Variants in MCPH1 observed in about 807,000 individuals in gnomAD.
MCPH1 encodes the protein microcephalin 1, also known as microcephalin.
A neutral mutation model predicts 84.5 loss-of-function variants in MCPH1; 104 were observed. The ratio of observed to expected loss-of-function variants is 1.23; its 90% CI spans 1.05 to 1.45. The LOEUF (loss-of-function observed/expected upper bound fraction) is 1.45, where lower values mean the gene tolerates loss of function less well. Ranked by LOEUF, MCPH1 falls within the 40% of genes most tolerant of loss-of-function variation. MCPH1 has a pLI of 0.00. For synonymous variants in MCPH1, 514 were observed against 366.8 expected, an observed-to-expected ratio of 1.40 and a Z score of -4.58; for missense variants, 1,498 against 1,005.7, an observed-to-expected ratio of 1.49 and a Z score of -6.62.
rs535641007 is a variant in MCPH1, at chr8:6,635,585, C to A, written c.2453-7409C>A. On this transcript the variant is annotated intron_variant, in intron 13 of 13. Transcript: ENST00000344683. ...ACACCAGCCTGGGAAACAGCGAGGC[C>A]CTGTCTCAAAAAAACCCAAAAAACT... Among the ~76,000 whole-genome samples the A allele has an allele frequency of 7.9e-5, 12 of 151,972 alleles. No individual in the cohort carries two copies. The South Asian group carries it at 2.5e-3, about 32-fold the overall frequency.
chr8:6,415,105 G>C (rs964235081), intron 3 of MCPH1, among the ~76,000 whole-genome samples: 1 of 151,942 alleles, frequency 6.6e-6, no homozygotes, highest in Non-Finnish European at 1.5e-5. Flanking sequence ...GAGCCTGCAG[G>C]TCCTGAAGCT....
intron 12 of MCPH1, among the ~76,000 whole-genome samples, chr8:6,613,656 G>A (rs1460881508): frequency 6.6e-6 from 1 of 152,098 alleles, no homozygotes; most frequent in Non-Finnish European, 1.5e-5. Flanking sequence ...GGCACCTGTG[G>A]ATGTCCTGAG....
At chr8:6,476,229 G>C (rs766354906) in intron 9 of MCPH1, among the ~76,000 whole-genome samples, 3 of 152,064 alleles carry the variant, frequency 2.0e-5, no homozygotes, top group Non-Finnish European at 4.4e-5. Flanking sequence ...AGGAGTTGGA[G>C]ACCAGCCTGG....
At chr8:6,554,310 A>G (rs568691972) in intron 12 of MCPH1, among the ~76,000 whole-genome samples, 30 of 119,914 alleles carry the variant, frequency 2.5e-4, no homozygotes, top group African/African-American at 1.2e-3. Flanking sequence ...AAAAGAGAGA[A>G]AAAAAAAAAT....
chr8:6,440,223 A>T (rs900528615), intron 6 of MCPH1, among the ~76,000 whole-genome samples: 1 of 151,920 alleles, frequency 6.6e-6, no homozygotes, highest in South Asian at 2.1e-4. Context: ...TTTTTTAACC[A>T]TATGGTTTGG....
At chr8:6,622,393 G>A (rs958976462) in intron 13 of MCPH1, among the ~76,000 whole-genome samples, 2 of 152,228 alleles carry the variant, frequency 1.3e-5, no homozygotes, top group East Asian at 3.9e-4. Context: ...AAGGAAGAGT[G>A]TGAAGCAAGG....
rs189371466 is a variant in MCPH1, at chr8:6,457,961, T to C, written c.1935+2709T>C. On this transcript the variant is annotated intron_variant, in intron 9 of 13. Transcript: ENST00000344683. The stretch of plus-strand genomic sequence containing the variant: ...TGGCTGCCTGGCCCCAAGCCAGACA[T>C]GCTGGTGTCATTAATATGGGGTGCA... Among the ~76,000 whole-genome samples the C allele has an allele frequency of 1.2e-3, 185 of 152,256 alleles. 3 individuals are homozygous for C. In the East Asian group the frequency reaches 0.03, roughly 25 times the overall value.
At chr8:6,609,874 G>A (rs1830119818) in intron 12 of MCPH1, among the ~76,000 whole-genome samples, 1 of 150,706 alleles carries the variant, frequency 6.6e-6, no homozygotes, top group Non-Finnish European at 1.5e-5. Flanking sequence ...GGGGGGTGCA[G>A]GTCATGGTTG....
intron 12 of MCPH1, chr8:6,532,631 C>A (rs1271673732): frequency 1.2e-5 from 8 of 666,910 alleles, no homozygotes; most frequent in Admixed American, 3.9e-5. Context: ...CTTTTGGAAT[C>A]TTACTATTTT....
intron 3 of MCPH1, among the ~76,000 whole-genome samples, chr8:6,417,688 C>G (rs538029246): frequency 5.8e-4 from 88 of 151,990 alleles, no homozygotes; most frequent in Non-Finnish European, 8.8e-4. Context: ...GATTTCTCAC[C>G]TTTGGTTTTC....
intron 9 of MCPH1, among the ~76,000 whole-genome samples, chr8:6,461,148 G>A (rs1192694121): frequency 6.6e-6 from 1 of 151,298 alleles, no homozygotes; most frequent in Non-Finnish European, 1.5e-5. Context: ...CTTAAAGAGT[G>A]AAAAAAACCA....
At chr8:6,511,259 C>T (rs1381357338) in intron 12 of MCPH1, among the ~76,000 whole-genome samples, 2 of 150,696 alleles carry the variant, frequency 1.3e-5, no homozygotes, top group African/African-American at 2.4e-5. Flanking sequence ...TGGCCACGTT[C>T]TTGAAGTTGC....
intron 12 of MCPH1, among the ~76,000 whole-genome samples, chr8:6,596,751 C>T (rs879748142): frequency 1.3e-5 from 2 of 152,152 alleles, no homozygotes; most frequent in African/African-American, 4.8e-5. Context: ...GAACTGAAAA[C>T]CCCAGCCAGA....
intron 12 of MCPH1, among the ~76,000 whole-genome samples, chr8:6,520,187 T>G (rs2129569033): frequency 6.6e-6 from 1 of 152,276 alleles, no homozygotes; most frequent in South Asian, 2.1e-4. Context: ...AGATTAATAC[T>G]TACTTTTTGG....
chr8:6,514,786 C>A (rs765308460), intron 12 of MCPH1: 2 of 1,613,176 alleles, frequency 1.2e-6, no homozygotes, highest in Admixed American at 1.7e-5. Flanking sequence ...GGCCTGCAAA[C>A]AGGAATGCAG....
intron 1 of MCPH1, among the ~76,000 whole-genome samples, chr8:6,407,527 A>G (rs1183320294): frequency 4.6e-5 from 7 of 152,098 alleles, no homozygotes; most frequent in African/African-American, 1.7e-4. Flanking sequence ...AATAGCGGAC[A>G]CGTGTCTTGT....
rs112097776 is a variant in MCPH1, at chr8:6,513,911, G to A, written c.2214+13982G>A. 2.3e-3 allele frequency: 3,269 copies of A among 1,404,882 alleles called. 63 individuals carry two copies. In the African/African-American group the frequency reaches 0.042, roughly 18 times the overall value. The allele number at this position is 1,404,882 out of a possible 1,614,324, so 87.0% of individuals were successfully genotyped here. A position where few individuals can be genotyped will look rare whatever the true frequency, so the allele number is the denominator to read the frequency against. On this transcript the variant is annotated intron_variant, in intron 12 of 13. Transcript: ENST00000344683. ...TTTCTTTGTATATTTGAAGTGGATA[G>A]TCCGTCAACTTAACATAGAATAACT...
rs184188953 is a variant in MCPH1, at chr8:6,579,036, T to C, written c.2215-42418T>C. Among the ~76,000 whole-genome samples the C allele has an allele frequency of 4.7e-4, 71 of 152,312 alleles. 1 individual carries two copies. The highest frequency in any genetic ancestry group is 3.5e-4 in the Non-Finnish European group (24 of 68,028). On this transcript the variant is annotated intron_variant, in intron 12 of 13. Transcript: ENST00000344683. The stretch of plus-strand genomic sequence containing the variant: ...GGATATTTCAAAGGGAATAGAATAC[T>C]GAGGCCCTGTGGGATGGAGGCTGCT...
Position 6,592,614 on chromosome 8 carries a change from C to CTTTTTTTTTTTTTTTTTTTTTTTTTTTTT in MCPH1, c.2215-28832_2215-28831insTTTTTTTTTTTTTTTTTTTTTTTTTTTTT, listed in dbSNP as rs1252024553. Among the ~76,000 whole-genome samples the CTTTTTTTTTTTTTTTTTTTTTTTTTTTTT allele has an allele frequency of 4.4e-4, 29 of 65,520 alleles. 1 individual carries two copies. The highest frequency in any genetic ancestry group is 2.1e-3 in the East Asian group (3 of 1,400). The allele number at this position is 65,520 out of a possible 152,430, so 43.0% of individuals were successfully genotyped here. On this transcript the variant is annotated intron_variant, in intron 12 of 13. Transcript: ENST00000344683. ...GTCATCTAGGCTCTCGTTTTTCTTT[C>CTTTTTTTTTTTTTTTTTTTTTTTTTTTTT]TTTTTTTTGTTTTTTTTTTTTTTTT...
Sources: allele counts gnomAD v4.1 joint callset (sites outside exome capture counted in the v4.1 genomes callset), GRCh38; gene constraint gnomAD v4.1.1; transcripts MANE v1.5; gene names NCBI Gene and HGNC (gene_info 2026-07-23, HGNC 2026-07-21).